Variants in FBN1 observed in about 807,000 individuals in gnomAD.
FBN1 encodes fibrillin 1.
FBN1 carries 29 observed loss-of-function variants against 365.1 expected under a neutral mutation model. The observed-to-expected ratio is 0.08, with a 90% CI of 0.06 to 0.11. The LOEUF is 0.11. Ranked by LOEUF, FBN1 falls within the 10% of genes least tolerant of loss-of-function variation. FBN1 has a pLI of 1.00. For missense variants in FBN1, 2,476 were observed against 3,703.2 expected (o/e 0.67, Z 8.60); for synonymous variants, 1,210 against 1,270.5 (o/e 0.95, Z 1.01).
chr15:48,490,366 T>A (rs11635140), intron 24 of FBN1, among the ~76,000 whole-genome samples: 1 of 151,930 alleles, frequency 6.6e-6, no homozygotes, highest in African/African-American at 2.4e-5. Context: ...TCCCACAGTG[T>A]TCTTTCGGGA....
intron 4 of FBN1, among the ~76,000 whole-genome samples, chr15:48,607,239 T>C (rs1390044055): frequency 6.6e-6 from 1 of 151,830 alleles, no homozygotes; most frequent in African/African-American, 2.4e-5. Flanking sequence ...TTACAAAATA[T>C]AAACTGTAGG....
At chr15:48,471,746 T>A (rs2043378430) in intron 35 of FBN1, among the ~76,000 whole-genome samples, 1 of 152,240 alleles carries the variant, frequency 6.6e-6, no homozygotes, top group African/African-American at 2.4e-5. Flanking sequence ...TTAATCAGGG[T>A]CTTGTTTAAA....
chr15:48,583,728 C>G (rs1269034774), intron 6 of FBN1, among the ~76,000 whole-genome samples: 2 of 152,176 alleles, frequency 1.3e-5, no homozygotes, highest in Non-Finnish European at 2.9e-5. Context: ...ACAAATGCTT[C>G]CCAGACACAG....
At position 48,515,448 on chromosome 15, in the gene FBN1, A is replaced by C. The variant is rs1016146856; in HGVS notation, c.1407T>G (p.Pro469=). Residue 469 remains proline, a synonymous_variant, in exon 12 of 66, where the codon CCT becomes CCG. Transcript: ENST00000316623. ...LCQNGRCIPT[P]GSYRCECNKG... ...TGTTGCACTCACACCGGTAACTCCC[A>C]GGAGTTGGAATGCAGCGTCCATTTT... 3.1e-6 allele frequency: 5 copies of C among 1,614,050 alleles called. No homozygotes were observed. In the South Asian group the frequency reaches 5.5e-5, roughly 18 times the overall value.
At position 48,465,674 on chromosome 15, in the gene FBN1, C is replaced by T. The variant is rs1468665879; in HGVS notation, c.4836G>A (p.Glu1612=). 1.2e-6 allele frequency: 2 copies of T among 1,614,112 alleles called. No homozygotes were observed. The highest frequency in any genetic ancestry group is 8.5e-7 in the Non-Finnish European group (1 of 1,179,970). Residue 1612 remains glutamate, a synonymous_variant, in exon 40 of 66, where the codon GAG becomes GAA. Coordinates refer to ENST00000316623, the MANE Select transcript of FBN1 (RefSeq NM_000138.5). ...VILEDIDECQ[E]LPGLCQGGKC... The stretch of plus-strand genomic sequence containing the variant: ...TTCCTCCTTGGCACAGCCCTGGTAG[C>T]TCCTGGCACTCATCAATATCTATCA...
intron 6 of FBN1, among the ~76,000 whole-genome samples, chr15:48,573,766 C>A (rs1382062282): frequency 2.6e-5 from 4 of 152,220 alleles, no homozygotes; most frequent in Non-Finnish European, 5.9e-5. Flanking sequence ...TTTGACTGAG[C>A]CTGCTCCCCC....
At chr15:48,443,400 ACATT>A (rs2043131016) in intron 49 of FBN1, among the ~76,000 whole-genome samples, 1 of 152,178 alleles carries the variant, frequency 6.6e-6, no homozygotes, top group South Asian at 2.1e-4. Context: ...TAGAATGGGC[ACATT>A]CATTGACTGT....
chr15:48,516,111 A>G (rs2043798169), intron 11 of FBN1, 72 bp downstream of exon 11: 5 of 1,397,086 alleles, frequency 3.6e-6, no homozygotes, highest in Non-Finnish European at 5.0e-6. Flanking sequence ...CTAAAGTAGC[A>G]TAAATAAATA....
chr15:48,470,805 A>G (rs770275624), intron 35 of FBN1, 49 bp from the exon 36 acceptor site: 1 of 1,588,156 alleles, frequency 6.3e-7, no homozygotes, highest in South Asian at 1.1e-5. Context: ...TATTTTTCTA[A>G]AAAAAACCTG....
rs1555396241 is a variant in FBN1 at position 48,453,303 on chromosome 15, A to AAC, written c.5423-621_5423-620dup. Among the ~76,000 whole-genome samples, 413 of 140,750 alleles carry AAC rather than the reference A, an allele frequency of 2.9e-3. 5 individuals are homozygous for AAC. The highest frequency in any genetic ancestry group is 0.011 in the African/African-American group (388 of 36,248). The allele number at this position is 140,750 out of a possible 152,430, so 92.3% of individuals were successfully genotyped here. On this transcript the variant is annotated intron_variant, in intron 44 of 65. Coordinates refer to ENST00000316623, the MANE Select transcript of FBN1 (RefSeq NM_000138.5). ...CAAAAAATAAAACAAACAAAAAAAA[A>AAC]ACACACACAAAAAAAAAGGAAAAAA...
chr15:48,450,360 C>T (rs192703388), intron 45 of FBN1, among the ~76,000 whole-genome samples: 133 of 152,286 alleles, frequency 8.7e-4, no homozygotes, highest in Non-Finnish European at 1.5e-3. Context: ...CTTTCATCTA[C>T]TGCCCTATTT....
intron 6 of FBN1, among the ~76,000 whole-genome samples, chr15:48,584,467 G>A (rs1284560718): frequency 6.6e-6 from 1 of 152,196 alleles, no homozygotes; most frequent in Non-Finnish European, 1.5e-5. Flanking sequence ...TTTGAGATAT[G>A]ATTTAGTTCT....
chr15:48,546,289 G>T (rs2044092661), intron 6 of FBN1, among the ~76,000 whole-genome samples: 1 of 152,228 alleles, frequency 6.6e-6, no homozygotes, highest in Non-Finnish European at 1.5e-5. Flanking sequence ...TTGTAATTTA[G>T]TTACAAATGA....
chr15:48,463,798 G>T (rs2043299167), intron 41 of FBN1, 101 bp downstream of exon 41: 134 of 1,297,048 alleles, frequency 1.0e-4, no homozygotes, highest in Non-Finnish European at 1.4e-4. Flanking sequence ...CCAGCACTCA[G>T]TCTGATGAGT....
intron 13 of FBN1, among the ~76,000 whole-genome samples, chr15:48,511,084 A>G (rs1405120092): frequency 6.6e-6 from 1 of 152,184 alleles, no homozygotes; most frequent in Non-Finnish European, 1.5e-5. Context: ...CTATCTATGC[A>G]GAGTTGAGGT....
At chr15:48,571,149 A>G (rs991200910) in intron 6 of FBN1, among the ~76,000 whole-genome samples, 1 of 152,216 alleles carries the variant, frequency 6.6e-6, no homozygotes. Context: ...GGCTGGTCCA[A>G]CATTTTAGCA....
chr15:48,424,442 C>A (rs1424247637), intron 60 of FBN1, among the ~76,000 whole-genome samples: 2 of 152,214 alleles, frequency 1.3e-5, no homozygotes. Context: ...CCACCCTCCA[C>A]CCTTCTAGCC....
intron 6 of FBN1, among the ~76,000 whole-genome samples, chr15:48,567,738 C>T (rs2044267989): frequency 6.6e-6 from 1 of 151,868 alleles, no homozygotes; most frequent in Non-Finnish European, 1.5e-5. Context: ...AGATATAGAC[C>T]AAGCATTTGA....
chr15:48,617,965 T>C (rs564137157), intron 2 of FBN1, among the ~76,000 whole-genome samples: 140 of 152,340 alleles, frequency 9.2e-4, no homozygotes, highest in Admixed American at 1.8e-3. Context: ...TTATTTCATA[T>C]ATGTTAGTTT....
Sources: allele counts gnomAD v4.1 joint callset (sites outside exome capture counted in the v4.1 genomes callset), GRCh38; gene constraint gnomAD v4.1.1; transcripts MANE v1.5; gene names NCBI Gene and HGNC (gene_info 2026-07-23, HGNC 2026-07-21).